The following WDFY4 variants were observed in gnomAD, a reference collection of about 807,000 sequenced individuals.
WDFY4 encodes the protein WD repeat- and FYVE domain-containing protein 4.
A neutral mutation model predicts 351.9 loss-of-function variants in WDFY4; 169 were observed. The observed-to-expected ratio is 0.48, with a 90% CI of 0.42 to 0.55. WDFY4 has a LOEUF of 0.55. Ranked by LOEUF, WDFY4 falls within the 20% of genes least tolerant of loss-of-function variation. The probability of loss-of-function intolerance (pLI) is 0.00; values close to 1 mark genes in which losing one functional copy is unlikely to be tolerated. For missense variants in WDFY4, 3,803 were observed against 3,935.6 expected (o/e 0.97, Z 0.90); for synonymous variants, 1,622 against 1,574.6 (o/e 1.03, Z -0.71).
At chr10:48,970,310 G>A in intron 57 of WDFY4, 21 bp downstream of exon 57, 2 of 1,547,418 alleles carry the variant, frequency 1.3e-6, no homozygotes, top group South Asian at 2.4e-5. Context: ...GCTCGTGCAG[G>A]TGCGGTCCTC....
In WDFY4 at chr10:48,975,701, G is replaced by A. The variant is rs1443019422; in HGVS notation, c.9108+660G>A. On this transcript the variant is annotated intron_variant, in intron 58 of 61. Transcript: ENST00000325239. ...TGGATTCAATGTTAGATGAGTAGAT[G>A]GAGTGTGAATGGATGGGTGGATGGA... 2.0e-5 allele frequency among the ~76,000 whole-genome samples: 3 copies of A among 152,268 alleles called. No individual in the cohort carries two copies. In the East Asian group the frequency reaches 5.8e-4, roughly 29 times the overall value.
chr10:48,802,587 G>C lies in WDFY4; in HGVS notation c.4411-699G>C, dbSNP rs189631576. Among the ~76,000 whole-genome samples, 754 of 152,274 alleles carry C rather than the reference G, an allele frequency of 5.0e-3. 3 individuals are homozygous for C. Among genetic ancestry groups the C allele is most frequent in the African/African-American group, 0.018 (730 of 41,558 alleles). On this transcript the variant is annotated intron_variant, in intron 24 of 61. Coordinates refer to ENST00000325239, the MANE Select transcript of WDFY4 (RefSeq NM_001394531.1). ...GTTCTCTAAAGGGAAGTAGAAATAAGACATGATGGCATCCATCAATTCTGC... is the reference window on the plus strand; with the variant it reads ...GTTCTCTAAAGGGAAGTAGAAATAACACATGATGGCATCCATCAATTCTGC...
intron 1 of WDFY4, among the ~76,000 whole-genome samples, chr10:48,687,608 A>G (rs550118861): frequency 7.6e-4 from 84 of 111,036 alleles, no homozygotes; most frequent in African/African-American, 2.7e-3. Context: ...TTAATAGGCC[A>G]TTCTTTTTTT....
At chr10:48,902,479 G>A (rs1837407454) in intron 47 of WDFY4, among the ~76,000 whole-genome samples, 1 of 152,098 alleles carries the variant, frequency 6.6e-6, no homozygotes, top group South Asian at 2.1e-4. Flanking sequence ...AATGTGTGGG[G>A]ACCAATCAAG....
At chr10:48,937,013 G>A (rs568709579) in intron 47 of WDFY4, among the ~76,000 whole-genome samples, 4 of 151,514 alleles carry the variant, frequency 2.6e-5, no homozygotes, top group South Asian at 2.1e-4. Context: ...TTCACCTCCC[G>A]GGTTCGAGTA....
At position 48,704,310 on chromosome 10, in the gene WDFY4, C is replaced by T. The variant is rs149726369; in HGVS notation, c.-17-5406C>T. Among the ~76,000 whole-genome samples, 1,067 of 152,280 alleles carry T rather than the reference C, an allele frequency of 7.0e-3. 10 individuals carry two copies. Among genetic ancestry groups the T allele is most frequent in the African/African-American group, 0.024 (1,016 of 41,554 alleles). ...CCTGGCCCCACTGCCCCCTCTGCCT[C>T]GTGGCTGTGTGAGAAGGCAAGTTTC... On this transcript the variant is annotated intron_variant, in intron 1 of 61. Transcript: ENST00000325239.
At chr10:48,739,121 A>G (rs1051491331) in intron 11 of WDFY4, among the ~76,000 whole-genome samples, 3 of 152,328 alleles carry the variant, frequency 2.0e-5, no homozygotes, top group East Asian at 1.9e-4. Flanking sequence ...TAGCTGTTCA[A>G]CTCTGAGCTT....
At chr10:48,913,908 T>G (rs1315257689) in intron 47 of WDFY4, 5 of 1,614,178 alleles carry the variant, frequency 3.1e-6, no homozygotes, top group Non-Finnish European at 4.2e-6. Flanking sequence ...GTCTATGTAG[T>G]TGCTGTGCAG....
intron 39 of WDFY4, among the ~76,000 whole-genome samples, chr10:48,833,964 G>T (rs899875368): frequency 5.9e-5 from 9 of 152,192 alleles, no homozygotes; most frequent in Non-Finnish European, 1.2e-4. Flanking sequence ...CGAGGAAAAG[G>T]CCTTTCTTTT....
chr10:48,924,998 A>G (rs918081928), intron 47 of WDFY4, among the ~76,000 whole-genome samples: 7 of 152,224 alleles, frequency 4.6e-5, no homozygotes, highest in Admixed American at 2.6e-4. Flanking sequence ...ATGGAACTGA[A>G]ACCCCCATAG....
At chr10:48,840,229 G>A (rs1335410090) in intron 39 of WDFY4, among the ~76,000 whole-genome samples, 3 of 152,056 alleles carry the variant, frequency 2.0e-5, no homozygotes, top group Non-Finnish European at 2.9e-5. Flanking sequence ...TGCTTCCTAC[G>A]CCACACCCAG....
intron 12 of WDFY4, among the ~76,000 whole-genome samples, chr10:48,747,330 A>G (rs1463706002): frequency 6.6e-6 from 1 of 152,146 alleles, no homozygotes; most frequent in Non-Finnish European, 1.5e-5. Flanking sequence ...ATATATCTCA[A>G]TGTACATTAT....
At chr10:48,685,877 G>A (rs1048051894) in intron 1 of WDFY4, among the ~76,000 whole-genome samples, 15 of 152,096 alleles carry the variant, frequency 9.9e-5, no homozygotes, top group African/African-American at 2.9e-4. Flanking sequence ...AGGGGTCTAC[G>A]GTGCTCAGCA....
intron 47 of WDFY4, among the ~76,000 whole-genome samples, chr10:48,920,761 C>T (rs1024345362): frequency 5.9e-5 from 9 of 152,186 alleles, no homozygotes; most frequent in African/African-American, 1.9e-4. Context: ...TAGAGAATCC[C>T]ACAGAATTTT....
chr10:48,962,591 C>T (rs1841909774), intron 53 of WDFY4, among the ~76,000 whole-genome samples: 1 of 152,226 alleles, frequency 6.6e-6, no homozygotes, highest in Non-Finnish European at 1.5e-5. Context: ...CATTCTGAGC[C>T]AGTGCCACCC....
At chr10:48,924,138 C>G (rs1245338772) in intron 47 of WDFY4, among the ~76,000 whole-genome samples, 3 of 152,186 alleles carry the variant, frequency 2.0e-5, no homozygotes, top group Non-Finnish European at 4.4e-5. Flanking sequence ...CTTCACCTCC[C>G]CAGGGAGTCT....
In WDFY4 at chr10:48,982,687, C is replaced by A; in HGVS notation, c.*112C>A. ...GAAACCCCCAGGGCCTCCTTCCCCA[C>A]AGTTCTCAAGGAAGGGCCTCTGGCA... On this transcript the variant is annotated 3_prime_UTR_variant, in exon 62 of 62. Coordinates refer to ENST00000325239, the MANE Select transcript of WDFY4 (RefSeq NM_001394531.1). 1 of 1,108,032 alleles carries A rather than the reference C, an allele frequency of 9.0e-7. No individual in the cohort carries two copies. The highest frequency in any genetic ancestry group is 1.3e-6 in the Non-Finnish European group (1 of 758,904). 68.6% of individuals were successfully genotyped at this position (1,108,032 alleles called of 1,614,324 possible).
chr10:48,865,307 T>A (rs540793868), intron 39 of WDFY4, among the ~76,000 whole-genome samples: 4 of 152,338 alleles, frequency 2.6e-5, no homozygotes, highest in East Asian at 3.9e-4. Context: ...TCAATTTTTT[T>A]AAATGTCTAT....
At chr10:48,726,103 G>A (rs2064258390) in intron 6 of WDFY4, 33 bp downstream of exon 6, 1 of 1,524,152 alleles carries the variant, frequency 6.6e-7, no homozygotes, top group Non-Finnish European at 8.9e-7. Context: ...TGGGCTGTGG[G>A]CCATGCAAGG....
Sources: allele counts gnomAD v4.1 joint callset (sites outside exome capture counted in the v4.1 genomes callset), GRCh38; gene constraint gnomAD v4.1.1; transcripts MANE v1.5; gene names NCBI Gene and HGNC (gene_info 2026-07-23, HGNC 2026-07-21).